Variants in PUDP observed in about 807,000 individuals in gnomAD.
PUDP encodes the protein pseudouridine-5'-phosphatase.
In PUDP, 8 loss-of-function variants were observed where a neutral mutation model predicts 9.4. The ratio of observed to expected loss-of-function variants is 0.85; its 90% CI spans 0.50 to 1.53. The LOEUF is 1.53. Ranked by LOEUF, PUDP falls within the 40% of genes most tolerant of loss-of-function variation. The probability of loss-of-function intolerance (pLI) is 0.00; values close to 1 mark genes in which losing one functional copy is unlikely to be tolerated. For synonymous variants in PUDP, 99 were observed against 80.7 expected, an observed-to-expected ratio of 1.23 and a Z score of -1.22; for missense variants, 188 against 189.7, an observed-to-expected ratio of 0.99 and a Z score of 0.05.
intron 1 of PUDP, among the ~76,000 whole-genome samples, chrX:7,036,966 G>A (rs1173541645): frequency 1.4e-4 from 16 of 111,867 alleles, no homozygotes; most frequent in Non-Finnish European, 5.6e-5. Context: ...CTTTGTTCAC[G>A]GTTTTTGGCT....
At chrX:6,755,218 T>C (rs2146672231) in intron 3 of PUDP, among the ~76,000 whole-genome samples, 1 of 111,670 alleles carries the variant, frequency 9.0e-6, no homozygotes, top group East Asian at 2.8e-4. Context: ...AGGTCACATA[T>C]TCATCAGCTG....
At chrX:6,911,612 A>G (rs1225164457) in intron 3 of PUDP, among the ~76,000 whole-genome samples, 2 of 111,862 alleles carry the variant, frequency 1.8e-5, no homozygotes, top group African/African-American at 6.5e-5. Context: ...ATTACTTACC[A>G]TGCCTCATGT....
At chrX:6,751,950 T>C (rs1013116204) in intron 3 of PUDP, among the ~76,000 whole-genome samples, 16 of 111,036 alleles carry the variant, frequency 1.4e-4, no homozygotes, top group Non-Finnish European at 2.3e-4. Flanking sequence ...GGCCACTTTG[T>C]TCTCTCTCTT....
chrX:6,816,307 T>A (rs1050526850), intron 3 of PUDP, among the ~76,000 whole-genome samples: 2 of 104,894 alleles, frequency 1.9e-5, no homozygotes, highest in Non-Finnish European at 1.9e-5. Flanking sequence ...ATAGTACATA[T>A]ATTAATACAT....
intron 1 of PUDP, among the ~76,000 whole-genome samples, chrX:7,023,411 T>C (rs1929661073): frequency 8.9e-6 from 1 of 112,178 alleles, no homozygotes; most frequent in Non-Finnish European, 1.9e-5. Context: ...ATATGTGAGA[T>C]CATATTTTTG....
chrX:6,940,151 C>G (rs1928378458), intron 3 of PUDP, among the ~76,000 whole-genome samples: 1 of 113,205 alleles, frequency 8.8e-6, no homozygotes, highest in Non-Finnish European at 1.9e-5. Context: ...TTTTAGGGGT[C>G]AGCTTCATTC....
At chrX:7,090,478 G>T (rs1931390540) in intron 2 of PUDP, among the ~76,000 whole-genome samples, 1 of 111,127 alleles carries the variant, frequency 9.0e-6, no homozygotes, top group African/African-American at 3.3e-5. Context: ...AGACAAAAAG[G>T]ATGTATATAA....
chrX:6,715,716 A>G (rs1301526779), intron 1 of PUDP, among the ~76,000 whole-genome samples: 1 of 112,123 alleles, frequency 8.9e-6, no homozygotes, highest in Non-Finnish European at 1.9e-5. Flanking sequence ...AAATGTTGGT[A>G]TTATCACTGG....
intron 3 of PUDP, among the ~76,000 whole-genome samples, chrX:6,849,875 C>T (rs1926802422): frequency 8.9e-6 from 1 of 112,261 alleles, no homozygotes; most frequent in Non-Finnish European, 1.9e-5. Flanking sequence ...AATCCAGTTT[C>T]CTGACTGTGA....
At chrX:7,121,138 T>C (rs1932332906) in intron 1 of PUDP, among the ~76,000 whole-genome samples, 1 of 111,982 alleles carries the variant, frequency 8.9e-6, no homozygotes, top group African/African-American at 3.3e-5. Context: ...CTCCATAAAG[T>C]TGTTTTAAAA....
intron 3 of PUDP, among the ~76,000 whole-genome samples, chrX:6,868,469 A>G (rs1927123132): frequency 8.9e-6 from 1 of 112,224 alleles, no homozygotes; most frequent in Non-Finnish European, 1.9e-5. Context: ...TGGTTCTCCT[A>G]TAATCTCATT....
chrX:6,883,395 G>A (rs920344923), intron 3 of PUDP, among the ~76,000 whole-genome samples: 7 of 108,972 alleles, frequency 6.4e-5, no homozygotes, highest in East Asian at 2.9e-4. Context: ...GGTGGCGCTC[G>A]CCTGTAGTCC....
rs565349333 is a variant in PUDP, at chrX:6,869,057, C to T, written c.*247+108076G>A. ...CTGGCATTTTATCCCCCAGGATACCCATTGGCCAGTTGAGAAGAATACTGC... is the reference window on the plus strand; with the variant it reads ...CTGGCATTTTATCCCCCAGGATACCTATTGGCCAGTTGAGAAGAATACTGC... On this transcript the variant is annotated intron_variant and NMD_transcript_variant, in intron 3 of 3. Transcript: ENST00000655425. Among the ~76,000 whole-genome samples, 12 of 111,812 alleles carry T rather than the reference C, an allele frequency of 1.1e-4. No homozygotes were observed. The South Asian group carries it at 4.5e-3, about 42-fold the overall frequency.
intron 1 of PUDP, among the ~76,000 whole-genome samples, chrX:6,982,187 C>T (rs1929045249): frequency 8.9e-6 from 1 of 111,759 alleles, no homozygotes; most frequent in Non-Finnish European, 1.9e-5. Context: ...CACACACAGA[C>T]ACAATGTGTA....
intron 1 of PUDP, among the ~76,000 whole-genome samples, chrX:7,030,928 T>A (rs779858088): frequency 1.3e-4 from 14 of 111,441 alleles, no homozygotes; most frequent in African/African-American, 4.6e-4. Flanking sequence ...GACAGAGCAG[T>A]CCCAAGGGCT....
At chrX:6,806,880 T>A (rs750179569) in intron 3 of PUDP, among the ~76,000 whole-genome samples, 75 of 112,210 alleles carry the variant, frequency 6.7e-4, no homozygotes, top group African/African-American at 2.4e-3. Flanking sequence ...GGCAATAAAA[T>A]GTAGAAATCT....
chrX:6,708,514 T>G (rs1924495390), intron 1 of PUDP, among the ~76,000 whole-genome samples: 1 of 112,091 alleles, frequency 8.9e-6, no homozygotes. Context: ...GCATACAAAA[T>G]TAGCTGCATT....
chrX:7,127,240 C>T (rs185269518), intron 1 of PUDP, among the ~76,000 whole-genome samples: 52 of 112,069 alleles, frequency 4.6e-4, no homozygotes, highest in Non-Finnish European at 7.5e-4. Context: ...TCCACAGCTC[C>T]AATTACCAGG....
At chrX:6,718,594 G>A (rs1239465618) in intron 1 of PUDP, among the ~76,000 whole-genome samples, 2 of 111,102 alleles carry the variant, frequency 1.8e-5, no homozygotes, top group Non-Finnish European at 3.8e-5. Flanking sequence ...TGGAGACCAG[G>A]AAAGGTGGAA....
Sources: allele counts gnomAD v4.1 joint callset (sites outside exome capture counted in the v4.1 genomes callset), GRCh38; gene constraint gnomAD v4.1.1; transcripts MANE v1.5; gene names NCBI Gene and HGNC (gene_info 2026-07-23, HGNC 2026-07-21).